Variants in ICAM1 observed in about 807,000 individuals in gnomAD.
The protein encoded by ICAM1 is intercellular adhesion molecule 1.
Under a neutral mutation model 42.3 loss-of-function variants are expected in ICAM1, and 28 were observed. That is an observed-to-expected ratio of 0.66 (90% CI 0.49 to 0.91). The LOEUF is 0.91. Ranked by LOEUF, ICAM1 falls within the 40% of genes least tolerant of loss-of-function variation. The pLI, the probability that ICAM1 is intolerant of heterozygous loss-of-function variation, is 0.00. For synonymous variants in ICAM1, 304 were observed against 305.9 expected, an observed-to-expected ratio of 0.99 and a Z score of 0.07; for missense variants, 637 against 688.6, an observed-to-expected ratio of 0.93 and a Z score of 0.84.
rs919011269 is a variant in ICAM1, at chr19:10,271,140, G to A, written c.-20G>A. On this transcript the variant is annotated 5_prime_UTR_variant, in exon 1 of 7. Transcript: ENST00000264832. ...ACGCTGAGCTCCTCTGCTACTCAGAGTTGCAACCTCAGCCTCGCTATGGCT... is the reference window on the plus strand; with the variant it reads ...ACGCTGAGCTCCTCTGCTACTCAGAATTGCAACCTCAGCCTCGCTATGGCT... 2.5e-6 allele frequency: 4 copies of A among 1,610,682 alleles called. No homozygotes were observed. The highest frequency in any genetic ancestry group is 3.3e-5 in the Admixed American group (2 of 59,830).
intron 6 of ICAM1, 39 bp from the exon 7 acceptor site, chr19:10,285,076 C>T (rs2040093431): frequency 6.2e-7 from 1 of 1,613,618 alleles, no homozygotes; most frequent in African/African-American, 1.3e-5. Flanking sequence ...GGCCATGGAC[C>T]TAATGCAATC....
chr19:10,280,760 G>C (rs1294461828), intron 2 of ICAM1, among the ~76,000 whole-genome samples: 1 of 151,766 alleles, frequency 6.6e-6, no homozygotes, highest in Admixed American at 6.6e-5. Context: ...GTAAAGACAG[G>C]GTTTCTCCAT....
At position 10,284,449 on chromosome 19, in the gene ICAM1, A is replaced by T. The variant is rs368283911; in HGVS notation, c.972A>T (p.Glu324Asp). The change falls in exon 5 of 7, where the codon GAA becomes GAT. Residue 324 changes from glutamate (E) to aspartate (D), a missense_variant. By Grantham distance (45) the Glu-to-Asp change is conservative. Coordinates refer to ENST00000264832, the MANE Select transcript of ICAM1 (RefSeq NM_000201.3). This position sits in a 1 kb window ranked among gnomAD's most constrained non-coding sequence, Gnocchi z 5.4. The stretch of plus-strand genomic sequence containing the variant: ...TTCTGACGAAGCCAGAGGTCTCAGA[A>T]GGGACCGAGGTGACAGTGAAGTGTG... ...NVILTKPEVS[E>D]GTEVTVKCEA... The T allele has an allele frequency of 1.6e-4, 252 of 1,613,788 alleles. No homozygotes were observed. The highest frequency in any genetic ancestry group is 2.0e-4 in the Non-Finnish European group (238 of 1,180,016).
chr19:10,275,447 G>C (rs1368065506), intron 2 of ICAM1, among the ~76,000 whole-genome samples: 6 of 152,002 alleles, frequency 3.9e-5, no homozygotes, highest in Non-Finnish European at 7.4e-5. Context: ...AGTGAGCCGC[G>C]ATCGTGCCAG....
intron 1 of ICAM1, 73 bp downstream of exon 1, chr19:10,271,299 A>T: frequency 1.5e-6 from 2 of 1,338,624 alleles, no homozygotes; most frequent in Non-Finnish European, 2.1e-6. Flanking sequence ...GGGTCAGGTC[A>T]TGCATGCTTA....
At chr19:10,275,890 A>G (rs1171935961) in intron 2 of ICAM1, among the ~76,000 whole-genome samples, 1 of 151,178 alleles carries the variant, frequency 6.6e-6, no homozygotes, top group African/African-American at 2.4e-5. Flanking sequence ...TTGTATTTTT[A>G]GTAGAGACGG....
In ICAM1 at chr19:10,285,254, C is replaced by T. The variant is rs1001130557; in HGVS notation, c.1566C>T (p.Pro522=). The change falls in exon 7 of 7, where the codon CCC becomes CCT. Residue 522 remains proline, a synonymous_variant. Coordinates refer to ENST00000264832, the MANE Select transcript of ICAM1 (RefSeq NM_000201.3). The part of the protein sequence containing the change: ...YRLQQAQKGT[P]MKPNTQATPP ...TACAACAGGCCCAAAAAGGGACCCC[C>T]ATGAAACCGAACACACAAGCCACGC... 2 of 1,614,164 alleles carry T rather than the reference C, an allele frequency of 1.2e-6. No individual in the cohort carries two copies. The highest frequency in any genetic ancestry group is 3.3e-5 in the Admixed American group (2 of 60,024).
At position 10,285,403 on chromosome 19, in the gene ICAM1, C is replaced by T. The variant is rs34797260; in HGVS notation, c.*116C>T. ...GCTACACCTACCGGCCCTGGGACGCCGGAGGACAGGGCATTGTCCTCAGTC... is the reference window on the plus strand; with the variant it reads ...GCTACACCTACCGGCCCTGGGACGCTGGAGGACAGGGCATTGTCCTCAGTC... On this transcript the variant is annotated 3_prime_UTR_variant, in exon 7 of 7. Transcript: ENST00000264832. The T allele has an allele frequency of 2.1e-5, 20 of 975,608 alleles. No homozygotes were observed. Among genetic ancestry groups the T allele is most frequent in the East Asian group, 5.2e-5 (2 of 38,286 alleles). 60.4% of individuals were successfully genotyped at this position (975,608 alleles called of 1,614,324 possible).
rs760570084 is a variant in ICAM1, at chr19:10,284,348, C to T, written c.925+28C>T. 1.6e-5 allele frequency: 25 copies of T among 1,611,522 alleles called. 1 individual carries two copies. The East Asian group carries it at 5.6e-4, about 36-fold the overall frequency. On this transcript the variant is annotated intron_variant, in intron 4 of 6. Coordinates refer to ENST00000264832, the MANE Select transcript of ICAM1 (RefSeq NM_000201.3). The surrounding 1 kb of genome is among the most constrained non-coding windows in gnomAD (Gnocchi z 5.4). ...AAGAAGGGGCAGGGGCGGAGTGGGG[C>T]TTCTTGGGGGTGTGACCTGAACCCG...
In ICAM1 at chr19:10,284,452, G is replaced by C; in HGVS notation, c.975G>C (p.Gly325=). ...TGACGAAGCCAGAGGTCTCAGAAGG[G>C]ACCGAGGTGACAGTGAAGTGTGAGG... ...VILTKPEVSE[G]TEVTVKCEAH... is the part of the protein sequence containing the mutation. The change falls in exon 5 of 7, where the codon GGG becomes GGC. Residue 325 remains glycine, a synonymous_variant. Coordinates refer to ENST00000264832, the MANE Select transcript of ICAM1 (RefSeq NM_000201.3). This position sits in a 1 kb window ranked among gnomAD's most constrained non-coding sequence, Gnocchi z 5.4. The C allele has an allele frequency of 6.2e-7, 1 of 1,613,958 alleles. No homozygotes were observed. Among genetic ancestry groups the C allele is most frequent in the Non-Finnish European group, 8.5e-7 (1 of 1,180,012 alleles).
rs572028894 is a variant in ICAM1 at position 10,284,082 on chromosome 19, G to C, written c.687G>C (p.Val229=). 102 of 1,613,906 alleles carry C rather than the reference G, an allele frequency of 6.3e-5. No homozygotes were observed. Among genetic ancestry groups the C allele is most frequent in the Non-Finnish European group, 8.1e-5 (96 of 1,180,008 alleles). Residue 229 remains valine (V), a synonymous_variant, in exon 4 of 7, where the codon GTG becomes GTC. Transcript: ENST00000264832. The surrounding 1 kb of genome is among the most constrained non-coding windows in gnomAD (Gnocchi z 5.4). ...PQLVSPRVLE[V]DTQGTVVCSL... is the part of the protein sequence containing the mutation. ...TTGTCAGCCCCCGGGTCCTAGAGGT[G>C]GACACGCAGGGGACCGTGGTCTGTT...
At chr19:10,275,705 CTTTTTT>C (rs568025125) in intron 2 of ICAM1, among the ~76,000 whole-genome samples, 1 of 109,294 alleles carries the variant, frequency 9.1e-6, no homozygotes, top group Non-Finnish European at 1.8e-5. Context: ...CTGTTTCTTT[CTTTTTT>C]TTTTTTTTTT....
Position 10,284,898 on chromosome 19 carries a change from A to G in ICAM1, c.1296A>G (p.Leu432=), listed in dbSNP as rs1301885800. 10 of 1,601,460 alleles carry G rather than the reference A, an allele frequency of 6.2e-6. No individual in the cohort carries two copies. Among genetic ancestry groups the G allele is most frequent in the Non-Finnish European group, 8.5e-6 (10 of 1,174,572 alleles). ...WGNPLPELKC[L]KDGTFPLPIG... ...ACCCATTGCCCGAGCTCAAGTGTCTAAAGGATGGCACTTTCCCACTGCCCA... is the reference window on the plus strand; with the variant it reads ...ACCCATTGCCCGAGCTCAAGTGTCTGAAGGATGGCACTTTCCCACTGCCCA... The change falls in exon 6 of 7, where the codon CTA becomes CTG. Residue 432 remains leucine (L), a synonymous_variant. Transcript: ENST00000264832. This position sits in a 1 kb window ranked among gnomAD's most constrained non-coding sequence, Gnocchi z 5.4.
At chr19:10,281,019 G>A (rs188488229) in intron 2 of ICAM1, among the ~76,000 whole-genome samples, 562 of 150,084 alleles carry the variant, frequency 3.7e-3, no homozygotes, top group African/African-American at 0.013. Context: ...GACTACAGGC[G>A]CCCACCACCA....
chr19:10,272,531 A>G (rs2039988629), intron 1 of ICAM1, among the ~76,000 whole-genome samples: 1 of 150,940 alleles, frequency 6.6e-6, no homozygotes, highest in Non-Finnish European at 1.5e-5. Context: ...CCTGATCCAA[A>G]TAAGCCCCTT....
chr19:10,281,865 C>T (rs1186244092), intron 2 of ICAM1, among the ~76,000 whole-genome samples: 1 of 151,694 alleles, frequency 6.6e-6, no homozygotes, highest in Non-Finnish European at 1.5e-5. Flanking sequence ...CTCAGCCTCT[C>T]AAGTAGCTGG....
chr19:10,285,256 T>C lies in ICAM1; in HGVS notation c.1568T>C (p.Met523Thr). 1 of 1,614,096 alleles carries C rather than the reference T, an allele frequency of 6.2e-7. No homozygotes were observed. Among genetic ancestry groups the C allele is most frequent in the Non-Finnish European group, 8.5e-7 (1 of 1,179,996 alleles). Residue 523 changes from methionine (M) to threonine (T), a missense_variant, in exon 7 of 7, where the codon ATG becomes ACG. Met to Thr is a moderately conservative substitution (Grantham distance 81). Coordinates refer to ENST00000264832, the MANE Select transcript of ICAM1 (RefSeq NM_000201.3). ...RLQQAQKGTP[M>T]KPNTQATPP ...CAACAGGCCCAAAAAGGGACCCCCA[T>C]GAAACCGAACACACAAGCCACGCCT... is the stretch of plus-strand genomic sequence containing the variant.
intron 1 of ICAM1, among the ~76,000 whole-genome samples, chr19:10,273,947 A>G (rs5030348): frequency 0.6 from 90,698 of 151,560 alleles, 28,286 homozygotes; most frequent in African/African-American, 0.78. Context: ...CCGGGAGGCA[A>G]AGGTTGCAGT....
At chr19:10,273,955 A>G (rs1395305511) in intron 1 of ICAM1, among the ~76,000 whole-genome samples, 1 of 152,060 alleles carries the variant, frequency 6.6e-6, no homozygotes, top group South Asian at 2.1e-4. Flanking sequence ...CAAAGGTTGC[A>G]GTGAGCTGAG....
Sources: allele counts gnomAD v4.1 joint callset (sites outside exome capture counted in the v4.1 genomes callset), GRCh38; gene constraint gnomAD v4.1.1; non-coding constraint Gnocchi (gnomAD v3.1); transcripts MANE v1.5; gene names NCBI Gene and HGNC (gene_info 2026-07-23, HGNC 2026-07-21).